CIMAP1D: variants seen among roughly 807,000 people sequenced by gnomAD.
CIMAP1D encodes protein CIMAP1D.
At chr19:471,679 G>A in the CIMAP1D span, among the ~76,000 whole-genome samples, 2 of 151,760 alleles carry the variant, frequency 1.3e-5, no homozygotes, top group African/African-American at 4.8e-5. Context: ...CTTACAACAG[G>A]CCTGTATGGA....
chr19:479,783 G>T, the CIMAP1D span, among the ~76,000 whole-genome samples: 16,032 of 137,806 alleles, frequency 0.12, 1,082 homozygotes, highest in African/African-American at 0.4. Flanking sequence ...TGATCCGCCT[G>T]CCTCGGCCTC....
At chr19:464,312 A>C in the CIMAP1D span, 9 of 1,540,510 alleles carry the variant, frequency 5.8e-6, no homozygotes, top group Non-Finnish European at 7.0e-6. Flanking sequence ...GATGGCGCAC[A>C]GGGGGCACCT....
the CIMAP1D span, among the ~76,000 whole-genome samples, chr19:471,694 G>A: frequency 6.6e-6 from 1 of 150,714 alleles, no homozygotes; most frequent in Non-Finnish European, 1.5e-5. Context: ...TATGGAGTCT[G>A]TTATTATTTT....
At chr19:489,836 G>A in the CIMAP1D span, 1 of 380,018 alleles carries the variant, frequency 2.6e-6, no homozygotes. Flanking sequence ...AATGGAGAGC[G>A]AGTCGTCCTC....
chr19:484,811 G>T, the CIMAP1D span, among the ~76,000 whole-genome samples: 3 of 152,188 alleles, frequency 2.0e-5, no homozygotes, highest in Non-Finnish European at 4.4e-5. Context: ...CTGAGGACAC[G>T]GAGAGGACAC....
the CIMAP1D span, chr19:489,741 G>A: frequency 3.1e-6 from 1 of 327,356 alleles, no homozygotes; most frequent in South Asian, 1.6e-4. Context: ...GCGGCCGGGG[G>A]AGAACCACCC....
At chr19:484,283 G>T in the CIMAP1D span, among the ~76,000 whole-genome samples, 1 of 151,756 alleles carries the variant, frequency 6.6e-6, no homozygotes, top group Non-Finnish European at 1.5e-5. Context: ...TGGGATTACA[G>T]GTGTGCGCCA....
the CIMAP1D span, among the ~76,000 whole-genome samples, chr19:491,406 CGCCGTGTG>C: frequency 6.6e-6 from 1 of 152,212 alleles, no homozygotes; most frequent in Non-Finnish European, 1.5e-5. Flanking sequence ...CTCGACGCGA[CGCCGTGTG>C]GCTTGTGCCC....
At chr19:472,315 G>A in the CIMAP1D span, 158 of 798,266 alleles carry the variant, frequency 2.0e-4, no homozygotes, top group Non-Finnish European at 4.1e-5. Context: ...GGATCTAAGG[G>A]GTAAGGAGAC....
At chr19:480,336 A>G in the CIMAP1D span, among the ~76,000 whole-genome samples, 21 of 152,222 alleles carry the variant, frequency 1.4e-4, no homozygotes, top group Non-Finnish European at 2.4e-4. Context: ...ACGCGTCCCA[A>G]TCAGAGCTCA....
chr19:472,358 C>A, the CIMAP1D span: 4 of 1,236,062 alleles, frequency 3.2e-6, no homozygotes, highest in Non-Finnish European at 4.4e-6. Context: ...ATTGGAGGAT[C>A]AGGGAAGCCT....
the CIMAP1D span, among the ~76,000 whole-genome samples, chr19:485,246 G>A: frequency 1.4e-4 from 21 of 152,282 alleles, no homozygotes; most frequent in South Asian, 8.3e-4. Flanking sequence ...ACGTGGGTGC[G>A]CACGATGAGG....
At chr19:472,741 C>T in the CIMAP1D span, 11 of 506,758 alleles carry the variant, frequency 2.2e-5, no homozygotes, top group African/African-American at 1.8e-4. Flanking sequence ...GGGGCACAGA[C>T]AGGGAGACTG....
chr19:469,170 C>A, the CIMAP1D span, among the ~76,000 whole-genome samples: 1 of 152,020 alleles, frequency 6.6e-6, no homozygotes, highest in African/African-American at 2.4e-5. Context: ...TAGCCCCTTC[C>A]CCAGGCCCTG....
At chr19:479,228 A>C in the CIMAP1D span, among the ~76,000 whole-genome samples, 1 of 152,182 alleles carries the variant, frequency 6.6e-6, no homozygotes, top group African/African-American at 2.4e-5. Flanking sequence ...ACGATTAGGC[A>C]TAATTGAAGC....
chr19:487,677 TAAC>T, the CIMAP1D span, among the ~76,000 whole-genome samples: 1 of 152,018 alleles, frequency 6.6e-6, no homozygotes, highest in African/African-American at 2.4e-5. Flanking sequence ...GTCAAAATAA[TAAC>T]AAGCATGAGG....
At chr19:464,410 C>T in the CIMAP1D span, 1 of 1,210,084 alleles carries the variant, frequency 8.3e-7, no homozygotes, top group East Asian at 2.5e-5. Flanking sequence ...CCTCACCTGC[C>T]CAGAGACCCG....
At chr19:471,883 C>T in the CIMAP1D span, among the ~76,000 whole-genome samples, 1 of 152,134 alleles carries the variant, frequency 6.6e-6, no homozygotes, top group Non-Finnish European at 1.5e-5. Flanking sequence ...GCTGGGACTA[C>T]AGGCGCCCGC....
the CIMAP1D span, among the ~76,000 whole-genome samples, chr19:471,138 G>A: frequency 1.3e-5 from 2 of 152,180 alleles, no homozygotes; most frequent in African/African-American, 4.8e-5. Flanking sequence ...ATTTGTTTTT[G>A]TTTTTGTTTT....
Sources: gnomAD v4.1 joint callset for allele counts (sites outside exome capture counted in the v4.1 genomes callset) on GRCh38, gnomAD v4.1.1 for gene constraint, MANE v1.5 for transcripts, NCBI Gene and HGNC (gene_info 2026-07-23, HGNC 2026-07-21) for gene names.